The following WWOX variants were observed in gnomAD, a reference collection of about 807,000 sequenced individuals.
The protein encoded by WWOX is WW domain containing oxidoreductase.
Under a neutral mutation model 46.2 loss-of-function variants are expected in WWOX, and 69 were observed. That is an observed-to-expected ratio of 1.49 (90% confidence interval 1.23 to 1.82). The LOEUF is 1.82. Ranked by LOEUF, WWOX falls within the 40% of genes most tolerant of loss-of-function variation. WWOX has a pLI of 0.00. For synonymous variants in WWOX, 359 were observed against 202.6 expected, an observed-to-expected ratio of 1.77 and a Z score of -6.56; for missense variants, 919 against 542.6, an observed-to-expected ratio of 1.69 and a Z score of -6.89.
intron 8 of WWOX, among the ~76,000 whole-genome samples, chr16:79,157,546 CTCAGTAA>C (rs1334591927): frequency 6.6e-6 from 1 of 152,214 alleles, no homozygotes; most frequent in Admixed American, 6.5e-5. Context: ...GTAGTGGAAC[CTCAGTAA>C]TCAGTAGTTT....
At chr16:78,535,857 A>G (rs1027317988) in intron 8 of WWOX, among the ~76,000 whole-genome samples, 1 of 152,282 alleles carries the variant, frequency 6.6e-6, no homozygotes, top group South Asian at 2.1e-4. Context: ...GACCTAGAGC[A>G]AGGGGTTTAG....
chr16:78,792,706 A>G (rs1032102714), intron 8 of WWOX, among the ~76,000 whole-genome samples: 4 of 152,212 alleles, frequency 2.6e-5, no homozygotes, highest in African/African-American at 9.6e-5. Flanking sequence ...ACAAGTCTAT[A>G]GAGGCATCTC....
At chr16:79,086,517 C>G (rs930622798) in intron 8 of WWOX, among the ~76,000 whole-genome samples, 1 of 152,142 alleles carries the variant, frequency 6.6e-6, no homozygotes, top group African/African-American at 2.4e-5. Flanking sequence ...ACAGTACTAT[C>G]CAAATTCTAA....
intron 8 of WWOX, among the ~76,000 whole-genome samples, chr16:78,918,480 C>A (rs912643562): frequency 1.3e-5 from 2 of 152,120 alleles, no homozygotes; most frequent in East Asian, 3.9e-4. Flanking sequence ...TTTCAGGACC[C>A]ACGTCTTTTG....
intron 8 of WWOX, among the ~76,000 whole-genome samples, chr16:79,115,870 C>G (rs1315963845): frequency 1.3e-5 from 2 of 152,160 alleles, no homozygotes; most frequent in East Asian, 3.9e-4. Flanking sequence ...TGAAGAGTCT[C>G]TTATTTTTTA....
At chr16:79,068,885 G>A (rs573378916) in intron 8 of WWOX, among the ~76,000 whole-genome samples, 1 of 151,384 alleles carries the variant, frequency 6.6e-6, no homozygotes, top group South Asian at 2.1e-4. Context: ...AGAGGAGGTA[G>A]GGAATGAATG....
Position 78,867,233 on chromosome 16 carries a change from G to T in WWOX, c.1057-344375G>T, listed in dbSNP as rs72802830. Among the ~76,000 whole-genome samples the T allele has an allele frequency of 9.3e-4, 142 of 152,250 alleles. 1 individual carries two copies. The highest frequency in any genetic ancestry group is 2.0e-3 in the Admixed American group (31 of 15,286). On this transcript the variant is annotated intron_variant, in intron 8 of 8. Coordinates refer to ENST00000566780, the MANE Select transcript of WWOX (RefSeq NM_016373.4). The stretch of plus-strand genomic sequence containing the variant: ...GAGTGGGGGAGTGCAAGAAGTTTAG[G>T]TGCAAAGGACAATGGAGTGAACATC...
intron 8 of WWOX, among the ~76,000 whole-genome samples, chr16:78,638,285 G>C (rs1480487826): frequency 2.0e-5 from 3 of 152,182 alleles, no homozygotes; most frequent in African/African-American, 7.2e-5. Context: ...GGCAGAGTCA[G>C]GATCTGAACC....
At chr16:78,651,999 G>A (rs910855654) in intron 8 of WWOX, among the ~76,000 whole-genome samples, 4 of 152,074 alleles carry the variant, frequency 2.6e-5, no homozygotes, top group African/African-American at 9.7e-5. Flanking sequence ...ACCTAGATCA[G>A]GTATAAGGTG....
chr16:78,627,505 C>T (rs1232875770), intron 8 of WWOX, among the ~76,000 whole-genome samples: 1 of 152,088 alleles, frequency 6.6e-6, no homozygotes, highest in Non-Finnish European at 1.5e-5. Context: ...GAATAATGGC[C>T]CAGGATGCCA....
chr16:79,043,430 A>G (rs956480272), intron 8 of WWOX, among the ~76,000 whole-genome samples: 3 of 152,260 alleles, frequency 2.0e-5, no homozygotes, highest in Admixed American at 1.3e-4. Context: ...GATGAGAGAC[A>G]GAACTGAACT....
At chr16:78,611,071 A>G (rs2045889426) in intron 8 of WWOX, among the ~76,000 whole-genome samples, 1 of 152,232 alleles carries the variant, frequency 6.6e-6, no homozygotes, top group Admixed American at 6.5e-5. Context: ...GAGTTTAACA[A>G]GTAAATGTAT....
At chr16:78,970,391 G>A (rs1402702767) in intron 8 of WWOX, among the ~76,000 whole-genome samples, 2 of 152,172 alleles carry the variant, frequency 1.3e-5, no homozygotes, top group East Asian at 1.9e-4. Context: ...CTCATGCCCA[G>A]CATCGTCCTT....
intron 8 of WWOX, among the ~76,000 whole-genome samples, chr16:78,759,945 T>G (rs2049750134): frequency 6.6e-6 from 1 of 152,208 alleles, no homozygotes; most frequent in Non-Finnish European, 1.5e-5. Flanking sequence ...TCCCTTCTTT[T>G]TTCTGTGACT....
intron 5 of WWOX, among the ~76,000 whole-genome samples, chr16:78,192,491 C>CAA (rs56109773): frequency 0.26 from 22,625 of 87,018 alleles, 2,592 homozygotes; most frequent in African/African-American, 0.35. Context: ...GACTCCGTCT[C>CAA]AAAAAAAAAA....
Position 78,548,182 on chromosome 16 carries a change from CG to C in WWOX, c.1056+115431del, listed in dbSNP as rs2044090638. Among the ~76,000 whole-genome samples, 7 of 86,048 alleles carry C rather than the reference CG, an allele frequency of 8.1e-5. No individual in the cohort carries two copies. In the South Asian group the frequency reaches 2.8e-3, roughly 34 times the overall value. The allele number at this position is 86,048 out of a possible 152,430, so 56.5% of individuals were successfully genotyped here. On this transcript the variant is annotated intron_variant, in intron 8 of 8. Coordinates refer to ENST00000566780, the MANE Select transcript of WWOX (RefSeq NM_016373.4). ...AAAAAAAAAAAAAAAAAAAAAATTA[CG>C]AATTTTGCGAGGACGCAAACATTTA...
chr16:78,508,759 C>G (rs1597186050), intron 8 of WWOX, among the ~76,000 whole-genome samples: 1 of 152,206 alleles, frequency 6.6e-6, no homozygotes, highest in Admixed American at 6.5e-5. Context: ...GATCTGAGCA[C>G]TATGCCTGCA....
At chr16:79,134,466 C>T (rs1597405076) in intron 8 of WWOX, among the ~76,000 whole-genome samples, 1 of 152,122 alleles carries the variant, frequency 6.6e-6, no homozygotes, top group African/African-American at 2.4e-5. Context: ...GAGCTATGTG[C>T]AGAATGAGGT....
chr16:78,389,819 C>T (rs1203644523), intron 6 of WWOX, among the ~76,000 whole-genome samples: 1 of 152,132 alleles, frequency 6.6e-6, no homozygotes, highest in African/African-American at 2.4e-5. Context: ...GGTGCAATCT[C>T]TGTTCATTGC....
Sources: allele counts gnomAD v4.1 joint callset (sites outside exome capture counted in the v4.1 genomes callset), GRCh38; gene constraint gnomAD v4.1.1; transcripts MANE v1.5; gene names NCBI Gene and HGNC (gene_info 2026-07-23, HGNC 2026-07-21).